Variants in TBC1D24 observed in about 807,000 individuals in gnomAD.
The protein encoded by TBC1D24 is Infantile myoclonic epilepsy.
Under a neutral mutation model 50.7 loss-of-function variants are expected in TBC1D24, and 47 were observed. The observed-to-expected ratio is 0.93, with a 90% CI of 0.73 to 1.18. The LOEUF is 1.18. TBC1D24 is among the 50% of genes most tolerant of loss of function. The probability of loss-of-function intolerance (pLI) is 0.00; values close to 1 mark genes in which losing one functional copy is unlikely to be tolerated. For synonymous variants in TBC1D24, 324 were observed against 335.2 expected, an observed-to-expected ratio of 0.97 and a Z score of 0.36; for missense variants, 688 against 766.5, an observed-to-expected ratio of 0.90 and a Z score of 1.21.
At position 2,498,281 on chromosome 16, in the gene TBC1D24, G is replaced by A; in HGVS notation, c.1027G>A (p.Glu343Lys). The change falls in exon 4 of 8, where the codon GAG (glutamate) becomes AAG (lysine). Residue 343 changes from glutamate (E) to lysine (K), a missense_variant. Glu to Lys is a moderately conservative substitution (Grantham distance 56). Transcript: ENST00000646147. The part of the protein sequence containing the change: ...LAVHAENFRS[E>K]IVSVREMRDI... ...CGTCCATGCAGAGAACTTCCGCTCG[G>A]AGATCGTCAGCGTGAGGGAGATGAG... The A allele has an allele frequency of 6.2e-7, 1 of 1,611,810 alleles. No homozygotes were observed. Among genetic ancestry groups the A allele is most frequent in the Non-Finnish European group, 8.5e-7 (1 of 1,178,992 alleles).
chr16:2,504,528 C>T lies in TBC1D24; in HGVS notation c.*3570C>T, dbSNP rs1025202938. On this transcript the variant is annotated 3_prime_UTR_variant, in exon 8 of 8. Transcript: ENST00000646147. ...CCGCCTCCCGGATTCACGCCATTCT[C>T]CTGCCTCAGCCTCCTGAGTAGCTGG... The T allele has an allele frequency of 2.0e-5, 3 of 151,254 alleles. No individual in the cohort carries two copies. Among genetic ancestry groups the T allele is most frequent in the Non-Finnish European group, 2.9e-5 (2 of 67,952 alleles). The allele number at this position is 151,254 out of a possible 1,614,324, so 9.4% of individuals were successfully genotyped here.
chr16:2,496,834 T>C lies in TBC1D24; in HGVS notation c.686T>C (p.Phe229Ser), dbSNP rs397514713. The C allele has an allele frequency of 5.6e-6, 9 of 1,614,084 alleles. No homozygotes were observed. Among genetic ancestry groups the C allele is most frequent in the Non-Finnish European group, 7.6e-6 (9 of 1,180,030 alleles). The change falls in exon 2 of 8, where the codon TTT becomes TCT. Residue 229 changes from phenylalanine to serine, a missense_variant. Physicochemically the swap from Phe to Ser is radical, Grantham distance 155 (BLOSUM62 -2). Coordinates refer to ENST00000646147, the MANE Select transcript of TBC1D24 (RefSeq NM_001199107.2). ...CCCCTCTGCTACTTCGCCCGGGTCT[T>C]TGACGTCTTCCTGGTGGAGGGCTAC... ...ELPLCYFARV[F>S]DVFLVEGYKV...
Position 2,486,403 on chromosome 16 carries a change from C to T in TBC1D24, c.-115-9631C>T, listed in dbSNP as rs939891874. Among the ~76,000 whole-genome samples, 21 of 152,262 alleles carry T rather than the reference C, an allele frequency of 1.4e-4. No homozygotes were observed. Among genetic ancestry groups the T allele is most frequent in the Non-Finnish European group, 2.4e-4 (16 of 68,048 alleles). Reference sequence around the variant, plus strand: ...AAGTGAGACGAGCGGCAGCTGACGCCCATGCCCTGTTCTGTGGCCCGTGAC... The same window carrying T: ...AAGTGAGACGAGCGGCAGCTGACGCTCATGCCCTGTTCTGTGGCCCGTGAC... On this transcript the variant is annotated intron_variant, in intron 1 of 7. Transcript: ENST00000646147. The surrounding 1 kb of genome is among the most constrained non-coding windows in gnomAD (Gnocchi z 5.8).
Position 2,499,164 on chromosome 16 carries a change from G to A in TBC1D24, c.1143-193G>A, listed in dbSNP as rs1334724535. Among the ~76,000 whole-genome samples the A allele has an allele frequency of 6.6e-6, 1 of 152,190 alleles. No homozygotes were observed. Among genetic ancestry groups the A allele is most frequent in the Non-Finnish European group, 1.5e-5 (1 of 68,024 alleles). On this transcript the variant is annotated intron_variant, in intron 4 of 7. Coordinates refer to ENST00000646147, the MANE Select transcript of TBC1D24 (RefSeq NM_001199107.2). The surrounding 1 kb of genome is among the most constrained non-coding windows in gnomAD (Gnocchi z 4.0). ...AGGCCTCTCCCCTGAGTCACACCAG[G>A]GCAGGCTGTCCTGGGGATGGCAGAG...
At chr16:2,480,610 C>T (rs2065603562) in intron 1 of TBC1D24, 1 of 152,056 alleles carries the variant, frequency 6.6e-6, no homozygotes, top group Non-Finnish European at 1.5e-5. Context: ...AGTAAAAGCC[C>T]TTCCACTCAC....
intron 1 of TBC1D24, among the ~76,000 whole-genome samples, chr16:2,490,978 G>A (rs543236117): frequency 2.6e-5 from 4 of 152,220 alleles, no homozygotes; most frequent in Admixed American, 1.3e-4. Flanking sequence ...AGACAACAGG[G>A]AAAGCCACTC....
intron 4 of TBC1D24, among the ~76,000 whole-genome samples, chr16:2,498,752 G>A (rs750353756): frequency 6.6e-6 from 1 of 152,240 alleles, no homozygotes; most frequent in Non-Finnish European, 1.5e-5. Context: ...TCGGGGGCCT[G>A]GGGCATGCTG....
chr16:2,481,617 G>A (rs1337590123), intron 1 of TBC1D24: 3 of 152,392 alleles, frequency 2.0e-5, no homozygotes, highest in African/African-American at 7.2e-5. Context: ...CAGACCTGCT[G>A]TGGGGAGAAC....
rs775971553 is a variant in TBC1D24, at chr16:2,496,862, G to A, written c.714G>A (p.Lys238=). ...ACGTCTTCCTGGTGGAGGGCTACAAGGTGCTGTACCGCGTGGCGCTGGCCA... is the reference window on the plus strand; with the variant it reads ...ACGTCTTCCTGGTGGAGGGCTACAAAGTGCTGTACCGCGTGGCGCTGGCCA... ...VFDVFLVEGY[K]VLYRVALAIL... Residue 238 remains lysine (K), a synonymous_variant, in exon 2 of 8, where the codon AAG becomes AAA. Transcript: ENST00000646147. 2 of 1,614,132 alleles carry A rather than the reference G, an allele frequency of 1.2e-6. No individual in the cohort carries two copies. The highest frequency in any genetic ancestry group is 1.7e-6 in the Non-Finnish European group (2 of 1,180,046).
Position 2,499,833 on chromosome 16 carries a change from A to C in TBC1D24, c.1207-2A>C. On this transcript the variant is annotated splice_acceptor_variant, in intron 5 of 7. Transcript: ENST00000646147. LOFTEE classifies it high-confidence loss of function. This position sits in a 1 kb window ranked among gnomAD's most constrained non-coding sequence, Gnocchi z 4.0. Reference sequence around the variant, plus strand: ...ACAGCCTCACCCAGACCTTTCCCCCAGGTGTGTGGTGCTTACCTGTCCACA... The same window carrying C: ...ACAGCCTCACCCAGACCTTTCCCCCCGGTGTGTGGTGCTTACCTGTCCACA... The C allele has an allele frequency of 6.2e-7, 1 of 1,613,634 alleles. No homozygotes were observed. The highest frequency in any genetic ancestry group is 1.3e-5 in the African/African-American group (1 of 74,962).
chr16:2,499,450 C>T lies in TBC1D24; in HGVS notation c.1206+30C>T. On this transcript the variant is annotated intron_variant, in intron 5 of 7. Transcript: ENST00000646147. The surrounding 1 kb of genome is among the most constrained non-coding windows in gnomAD (Gnocchi z 4.0). The stretch of plus-strand genomic sequence containing the variant: ...GCAGGGGCCCTGGAGCCAGGGCTGG[C>T]TCTGATGGGCTCCAGGGCTGGCTCT... The T allele has an allele frequency of 6.3e-7, 1 of 1,585,926 alleles. No individual in the cohort carries two copies. The highest frequency in any genetic ancestry group is 8.6e-7 in the Non-Finnish European group (1 of 1,160,352).
At chr16:2,498,677 G>A (rs1360850143) in intron 4 of TBC1D24, among the ~76,000 whole-genome samples, 3 of 152,172 alleles carry the variant, frequency 2.0e-5, no homozygotes, top group African/African-American at 4.8e-5. Context: ...CTTGGTTGGG[G>A]GACCATGTGG....
Position 2,482,562 on chromosome 16 carries a change from G to A in TBC1D24, c.-116+7392G>A, listed in dbSNP as rs2065617697. Among the ~76,000 whole-genome samples, 1 of 152,212 alleles carries A rather than the reference G, an allele frequency of 6.6e-6. No homozygotes were observed. The highest frequency in any genetic ancestry group is 1.9e-4 in the East Asian group (1 of 5,184). On this transcript the variant is annotated intron_variant, in intron 1 of 7. Transcript: ENST00000646147. This position sits in a 1 kb window ranked among gnomAD's most constrained non-coding sequence, Gnocchi z 5.2. ...GAAGCTGTTGTCCGAGGGGCAGGGA[G>A]GGGCTGGGTCCTGAAGGGCGGGGGA... is the stretch of plus-strand genomic sequence containing the variant.
At position 2,501,823 on chromosome 16, in the gene TBC1D24, A is replaced by C. The variant is rs1311350867; in HGVS notation, c.*865A>C. On this transcript the variant is annotated 3_prime_UTR_variant, in exon 8 of 8. Coordinates refer to ENST00000646147, the MANE Select transcript of TBC1D24 (RefSeq NM_001199107.2). ...AAGCTCCATTTCCAGGGGTCTGCCCAGAGAAGCCTGGACCCAGGGGGCTTC... is the reference window on the plus strand; with the variant it reads ...AAGCTCCATTTCCAGGGGTCTGCCCCGAGAAGCCTGGACCCAGGGGGCTTC... 1.3e-5 allele frequency: 2 copies of C among 152,648 alleles called. No individual in the cohort carries two copies. The highest frequency in any genetic ancestry group is 4.8e-5 in the African/African-American group (2 of 41,374). The allele number at this position is 152,648 out of a possible 1,614,324, so 9.5% of individuals were successfully genotyped here. A position where few individuals can be genotyped will look rare whatever the true frequency, so the allele number is the denominator to read the frequency against.
At position 2,483,755 on chromosome 16, in the gene TBC1D24, C is replaced by G. The variant is rs1394685175; in HGVS notation, c.-116+8585C>G. On this transcript the variant is annotated intron_variant, in intron 1 of 7. Transcript: ENST00000646147. The surrounding 1 kb of genome is among the most constrained non-coding windows in gnomAD (Gnocchi z 4.0). Reference sequence around the variant, plus strand: ...GGGAGAGCCCGGCTGCTGCTCGGCCCAGAGGAGGAAGGGTACGTTCGGGAG... The same window carrying G: ...GGGAGAGCCCGGCTGCTGCTCGGCCGAGAGGAGGAAGGGTACGTTCGGGAG... 1 of 152,886 alleles carries G rather than the reference C, an allele frequency of 6.5e-6. No individual in the cohort carries two copies. Among genetic ancestry groups the G allele is most frequent in the African/African-American group, 2.4e-5 (1 of 41,412 alleles). The allele number at this position is 152,886 out of a possible 1,614,324, so 9.5% of individuals were successfully genotyped here.
chr16:2,494,266 G>T (rs993056453), intron 1 of TBC1D24, among the ~76,000 whole-genome samples: 1 of 152,220 alleles, frequency 6.6e-6, no homozygotes, highest in Admixed American at 6.5e-5. Context: ...ACAAAAACTG[G>T]CTGGGTGTGG....
intron 1 of TBC1D24, among the ~76,000 whole-genome samples, chr16:2,488,362 C>T (rs1413487228): frequency 6.6e-6 from 1 of 152,158 alleles, no homozygotes; most frequent in Non-Finnish European, 1.5e-5. Flanking sequence ...AGGGCCCCTC[C>T]TCACATGTGG....
rs1415392984 is a variant in TBC1D24, at chr16:2,486,568, C to G, written c.-115-9466C>G. On this transcript the variant is annotated intron_variant, in intron 1 of 7. Coordinates refer to ENST00000646147, the MANE Select transcript of TBC1D24 (RefSeq NM_001199107.2). The surrounding 1 kb of genome is among the most constrained non-coding windows in gnomAD (Gnocchi z 5.8). The stretch of plus-strand genomic sequence containing the variant: ...AGGCCTGCAACCCCAGCTCTTCAAC[C>G]TGGAGTCCTAGCGAACACTGACCTA... Among the ~76,000 whole-genome samples the G allele has an allele frequency of 6.6e-6, 1 of 152,208 alleles. No individual in the cohort carries two copies. Among genetic ancestry groups the G allele is most frequent in the East Asian group, 1.9e-4 (1 of 5,190 alleles).
rs1343535255 is a variant in TBC1D24 at position 2,496,428 on chromosome 16, G to A, written c.280G>A (p.Glu94Lys). The A allele has an allele frequency of 8.1e-6, 13 of 1,612,802 alleles. No individual in the cohort carries two copies. The highest frequency in any genetic ancestry group is 4.5e-5 in the East Asian group (2 of 44,884). Residue 94 changes from glutamate (E) to lysine (K), a missense_variant, in exon 2 of 8, where the codon GAG (glutamate) becomes AAG (lysine). Transcript: ENST00000646147. ...KHSSSCLPLPEFVDNTQVPSY... is the reference protein window; with the variant it reads ...KHSSSCLPLPKFVDNTQVPSY... ...CAGCAGCAGCTGCCTGCCGCTGCCC[G>A]AGTTCGTGGACAACACGCAGGTGCC...
Sources: allele counts gnomAD v4.1 joint callset (sites outside exome capture counted in the v4.1 genomes callset), GRCh38; gene constraint gnomAD v4.1.1; non-coding constraint Gnocchi (gnomAD v3.1); transcripts MANE v1.5; gene names NCBI Gene and HGNC (gene_info 2026-07-23, HGNC 2026-07-21).